The following COL22A1 variants were observed in gnomAD, a reference collection of about 807,000 sequenced individuals.
COL22A1 encodes collagen type XXII alpha 1 chain, also known as collagen alpha-1(XXII) chain.
COL22A1 carries 221 observed loss-of-function variants against 248.9 expected under a neutral mutation model. The observed-to-expected ratio is 0.89, with a 90% CI of 0.80 to 0.99. The LOEUF (loss-of-function observed/expected upper bound fraction) is 0.99. Ranked by LOEUF, COL22A1 falls within the 50% of genes least tolerant of loss-of-function variation. The pLI is 0.00. For synonymous variants in COL22A1, 891 were observed against 793.4 expected, an observed-to-expected ratio of 1.12 and a Z score of -2.07; for missense variants, 2,240 against 2,179.0, an observed-to-expected ratio of 1.03 and a Z score of -0.56.
intron 49 of COL22A1, among the ~76,000 whole-genome samples, chr8:138,633,099 A>G (rs1270762588): frequency 6.6e-6 from 1 of 152,208 alleles, no homozygotes; most frequent in Admixed American, 6.5e-5. Flanking sequence ...CTTGAAAACA[A>G]GCAACAACAA....
intron 6 of COL22A1, among the ~76,000 whole-genome samples, chr8:138,822,630 TCCCAGGATCTGA>T (rs1819240318): frequency 6.6e-6 from 1 of 152,170 alleles, no homozygotes; most frequent in Admixed American, 6.5e-5. Flanking sequence ...GGCTCCCTGC[TCCCAGGATCTGA>T]CCTTTTAGGA....
chr8:138,834,111 C>T (rs900946723), intron 4 of COL22A1, among the ~76,000 whole-genome samples: 65 of 152,160 alleles, frequency 4.3e-4, no homozygotes, highest in Admixed American at 3.7e-3. Flanking sequence ...GGACAACACT[C>T]GTTCTGGAGG....
In COL22A1 at chr8:138,779,565, GAACA is replaced by G. The variant is rs746670688; in HGVS notation, c.1651-7_1651-4del. On this transcript the variant is annotated splice_polypyrimidine_tract_variant and splice_region_variant and intron_variant, in intron 13 of 64. Transcript: ENST00000303045. ...TCTCCCAGCTCTCCTGGCTCCCCCT[GAACA>G]AACAAAACAACACAAAGTCATAGGC... 6.2e-7 allele frequency: 1 copy of G among 1,611,292 alleles called. No homozygotes were observed. Among genetic ancestry groups the G allele is most frequent in the South Asian group, 1.1e-5 (1 of 91,016 alleles).
intron 1 of COL22A1, among the ~76,000 whole-genome samples, chr8:138,890,083 A>G (rs530896898): frequency 6.6e-6 from 1 of 152,346 alleles, no homozygotes; most frequent in Admixed American, 6.5e-5. Flanking sequence ...TTCAACATAC[A>G]AAAATCAATC....
At chr8:138,745,410 GATTAT>G (rs1470213742) in intron 22 of COL22A1, among the ~76,000 whole-genome samples, 1 of 151,980 alleles carries the variant, frequency 6.6e-6, no homozygotes, top group Non-Finnish European at 1.5e-5. Context: ...AACTGTATGA[GATTAT>G]ATTAATGTCA....
intron 51 of COL22A1, 28 bp downstream of exon 51, chr8:138,626,162 T>C: frequency 6.4e-7 from 1 of 1,564,960 alleles, no homozygotes; most frequent in Non-Finnish European, 8.7e-7. Context: ...TTTGTTTTTG[T>C]TTGTTTGTTT....
intron 3 of COL22A1, among the ~76,000 whole-genome samples, chr8:138,864,501 T>C (rs996411011): frequency 2.6e-5 from 4 of 152,126 alleles, no homozygotes; most frequent in Admixed American, 6.5e-5. Flanking sequence ...AGTCCAAGGA[T>C]GCTGTATTCA....
intron 3 of COL22A1, among the ~76,000 whole-genome samples, chr8:138,877,166 G>C (rs983876491): frequency 4.0e-5 from 6 of 151,766 alleles, no homozygotes; most frequent in African/African-American, 1.5e-4. Flanking sequence ...TAGAGGCCTT[G>C]GGTTATCTCA....
intron 23 of COL22A1, among the ~76,000 whole-genome samples, chr8:138,726,065 C>T (rs1014362113): frequency 2.0e-5 from 3 of 152,116 alleles, no homozygotes; most frequent in South Asian, 2.1e-4. Context: ...TACACTTAAA[C>T]TTTGGGGCAT....
intron 38 of COL22A1, 35 bp from the exon 39 acceptor site, chr8:138,684,504 G>C (rs750498220): frequency 3.3e-6 from 5 of 1,527,018 alleles, no homozygotes; most frequent in Non-Finnish European, 4.5e-6. Flanking sequence ...CAATCATGGA[G>C]CTGAGAGTGA....
intron 58 of COL22A1, among the ~76,000 whole-genome samples, chr8:138,605,102 T>G (rs1453713164): frequency 6.6e-6 from 1 of 152,174 alleles, no homozygotes; most frequent in African/African-American, 2.4e-5. Context: ...GCCCATAATG[T>G]GTGAAACAAG....
At chr8:138,664,566 G>A (rs1463668102) in intron 41 of COL22A1, among the ~76,000 whole-genome samples, 2 of 152,030 alleles carry the variant, frequency 1.3e-5, no homozygotes, top group Non-Finnish European at 2.9e-5. Flanking sequence ...GGTGCTCACT[G>A]GATAGTCCCC....
At chr8:138,855,809 C>G (rs923950992) in intron 3 of COL22A1, among the ~76,000 whole-genome samples, 1 of 152,222 alleles carries the variant, frequency 6.6e-6, no homozygotes, top group Non-Finnish European at 1.5e-5. Context: ...GGCAGAGCTG[C>G]TTCAGCAACT....
intron 16 of COL22A1, among the ~76,000 whole-genome samples, chr8:138,770,338 A>T (rs1028106529): frequency 1.3e-5 from 2 of 152,048 alleles, no homozygotes; most frequent in Non-Finnish European, 2.9e-5. Context: ...TCACCTTATG[A>T]TTTGCCCAGC....
In COL22A1 at chr8:138,591,266, T is replaced by C. The variant is rs150326221; in HGVS notation, c.4693+158A>G. Among the ~76,000 whole-genome samples, 931 of 151,710 alleles carry C rather than the reference T, an allele frequency of 6.1e-3. 9 individuals carry two copies. The highest frequency in any genetic ancestry group is 0.021 in the African/African-American group (857 of 41,136). On this transcript the variant is annotated intron_variant, in intron 64 of 64. Transcript: ENST00000303045. ...TCAAGAAGGTCGTATTTTAGAAATA[T>C]TTAATGAAACCAAGTGAGTGATCTC... is the stretch of plus-strand genomic sequence containing the variant.
chr8:138,615,093 G>T (rs569010847), intron 55 of COL22A1, among the ~76,000 whole-genome samples: 2 of 152,208 alleles, frequency 1.3e-5, no homozygotes, highest in African/African-American at 2.4e-5. Flanking sequence ...CACATGCAAA[G>T]GGCTGGTCCC....
At chr8:138,614,609 T>G (rs1819163269) in intron 55 of COL22A1, among the ~76,000 whole-genome samples, 1 of 152,190 alleles carries the variant, frequency 6.6e-6, no homozygotes, top group Non-Finnish European at 1.5e-5. Context: ...CTCAGTCACA[T>G]TCCTGCCTGG....
chr8:138,835,613 A>T (rs1335032909), intron 4 of COL22A1, among the ~76,000 whole-genome samples: 1 of 152,152 alleles, frequency 6.6e-6, no homozygotes, highest in African/African-American at 2.4e-5. Flanking sequence ...GGGCTGGCCC[A>T]CAGTGCAGAT....
Position 138,755,712 on chromosome 8 carries a change from A to G in COL22A1, c.1947+73T>C, listed in dbSNP as rs898328732. The G allele has an allele frequency of 8.8e-6, 13 of 1,478,160 alleles. No homozygotes were observed. In the Admixed American group the frequency reaches 2.2e-4, roughly 25 times the overall value. 91.6% of individuals were successfully genotyped at this position (1,478,160 alleles called of 1,614,324 possible). A position where few individuals can be genotyped will look rare whatever the true frequency, so the allele number is the denominator to read the frequency against. On this transcript the variant is annotated intron_variant, in intron 19 of 64. Transcript: ENST00000303045. ...CTTGGAAGAGCGTTGCCTTATTCTTAGAGGTGAAGACTCATCCAACCACCC... is the reference window on the plus strand; with the variant it reads ...CTTGGAAGAGCGTTGCCTTATTCTTGGAGGTGAAGACTCATCCAACCACCC...
Sources: allele counts gnomAD v4.1 joint callset (sites outside exome capture counted in the v4.1 genomes callset), GRCh38; gene constraint gnomAD v4.1.1; transcripts MANE v1.5; gene names NCBI Gene and HGNC (gene_info 2026-07-23, HGNC 2026-07-21).